CEP192: variants seen among roughly 807,000 people sequenced by gnomAD.
CEP192 encodes centrosomal protein 192.
CEP192 carries 151 observed loss-of-function variants against 271.8 expected under a neutral mutation model. That is an observed-to-expected ratio of 0.56 (90% CI 0.49 to 0.64). The LOEUF (loss-of-function observed/expected upper bound fraction) is 0.64, where lower values mean the gene tolerates loss of function less well. CEP192 is among the 30% of genes least tolerant of loss of function. The pLI, the probability that CEP192 is intolerant of heterozygous loss-of-function variation, is 0.00. For missense variants in CEP192, 2,910 were observed against 3,020.5 expected (o/e 0.96, Z 0.86); for synonymous variants, 995 against 1,076.5 (o/e 0.92, Z 1.48).
At chr18:13,077,755 G>A (rs1164167084) in intron 30 of CEP192, among the ~76,000 whole-genome samples, 1 of 152,016 alleles carries the variant, frequency 6.6e-6, no homozygotes, top group Non-Finnish European at 1.5e-5. Context: ...CACACTAAGA[G>A]GATTATAAAT....
chr18:13,077,654 T>C (rs2038362547), intron 30 of CEP192, among the ~76,000 whole-genome samples: 1 of 152,230 alleles, frequency 6.6e-6, no homozygotes, highest in African/African-American at 2.4e-5. Flanking sequence ...GCTTCCTCCG[T>C]TGACAATGTG....
Position 13,029,762 on chromosome 18 carries a change from T to G in CEP192, c.1150T>G (p.Phe384Val), listed in dbSNP as rs1275858266. Reference sequence around the variant, plus strand: ...TGATGCAAATGCCAATAGAGGTGGTTTTGATCTGACTGACCCTGTAAAACA... The same window carrying G: ...TGATGCAAATGCCAATAGAGGTGGTGTTGATCTGACTGACCCTGTAAAACA... ...FHDANANRGG[F>V]DLTDPVKQGA... is the part of the protein sequence containing the mutation. The change falls in exon 10 of 45, where the codon TTT (phenylalanine) becomes GTT (valine). Residue 384 changes from phenylalanine (F) to valine (V), a missense_variant. Phe to Val is a conservative substitution (Grantham distance 50). Transcript: ENST00000506447. 1 of 1,551,654 alleles carries G rather than the reference T, an allele frequency of 6.4e-7. No homozygotes were observed. Among genetic ancestry groups the G allele is most frequent in the Non-Finnish European group, 8.7e-7 (1 of 1,146,946 alleles).
chr18:13,087,244 A>G lies in CEP192; in HGVS notation c.5844A>G (p.Pro1948=). ...ATCCTAAAGTATTGAGGATTTTTCC[A>G]GATAAATTTGTACTCAAGGAAAGAA... The part of the protein sequence containing the change: ...LLDPKVLRIF[P]DKFVLKERTQ... Residue 1948 remains proline, a synonymous_variant, in exon 31 of 45, where the codon CCA becomes CCG. Coordinates refer to ENST00000506447, the MANE Select transcript of CEP192 (RefSeq NM_032142.4). 6.2e-7 allele frequency: 1 copy of G among 1,609,656 alleles called. No individual in the cohort carries two copies.
At chr18:13,070,587 G>T (rs574375593) in intron 27 of CEP192, among the ~76,000 whole-genome samples, 1 of 152,194 alleles carries the variant, frequency 6.6e-6, no homozygotes, top group African/African-American at 2.4e-5. Flanking sequence ...GAGCTTGCTT[G>T]CGTAACCCTA....
In CEP192 at chr18:13,076,334, CTT is replaced by C. The variant is rs1191070786; in HGVS notation, c.5616+3150_5616+3151del. Among the ~76,000 whole-genome samples the C allele has an allele frequency of 2.0e-5, 3 of 152,272 alleles. No homozygotes were observed. The East Asian group carries it at 5.8e-4, about 29-fold the overall frequency. ...CTGCCCCCCAGGTTCAAGCAGTTCT[CTT>C]GCCTCAGCCTCCCGAGTAGCTGGGA... On this transcript the variant is annotated intron_variant, in intron 30 of 44. Transcript: ENST00000506447.
intron 34 of CEP192, among the ~76,000 whole-genome samples, 197 bp from the exon 35 acceptor site, chr18:13,095,306 C>A (rs1038950499): frequency 3.9e-5 from 6 of 152,206 alleles, no homozygotes; most frequent in Non-Finnish European, 8.8e-5. Flanking sequence ...CCAGCCTGTA[C>A]ACATTGTAAA....
chr18:13,050,009 T>G, intron 17 of CEP192, 118 bp downstream of exon 17: 1 of 801,186 alleles, frequency 1.2e-6, no homozygotes, highest in Non-Finnish European at 1.9e-6. Flanking sequence ...GTAACTCTTG[T>G]AAGCTGTGAA....
intron 5 of CEP192, among the ~76,000 whole-genome samples, chr18:13,015,013 C>G (rs944572299): frequency 1.2e-4 from 18 of 152,090 alleles, no homozygotes; most frequent in African/African-American, 4.1e-4. Context: ...TTCTCGTAAG[C>G]CTTGTGTTGC....
At chr18:13,026,921 T>C (rs1316202156) in intron 9 of CEP192, among the ~76,000 whole-genome samples, 1 of 152,202 alleles carries the variant, frequency 6.6e-6, no homozygotes, top group Non-Finnish European at 1.5e-5. Flanking sequence ...CAAACTGTTT[T>C]TTTTGCCTTT....
intron 40 of CEP192, 44 bp from the exon 41 acceptor site, chr18:13,113,542 T>C (rs768318177): frequency 6.8e-5 from 109 of 1,591,408 alleles, no homozygotes; most frequent in Non-Finnish European, 9.4e-5. Flanking sequence ...AACACTGTGT[T>C]TAATGATCAG....
intron 5 of CEP192, 46 bp downstream of exon 5, chr18:13,013,071 C>T (rs755282491): frequency 1.1e-6 from 1 of 950,042 alleles, no homozygotes; most frequent in South Asian, 1.6e-5. Flanking sequence ...TACTATAGGG[C>T]AGTAAAATTT....
intron 3 of CEP192, among the ~76,000 whole-genome samples, chr18:13,007,530 C>T (rs1002639456): frequency 2.6e-5 from 4 of 152,094 alleles, no homozygotes; most frequent in African/African-American, 9.7e-5. Flanking sequence ...CCATCTTGCT[C>T]CCCCACCTCT....
chr18:13,001,567 G>A lies in CEP192; in HGVS notation c.275G>A (p.Ser92Asn). The change falls in exon 3 of 45, where the codon AGC becomes AAC. Residue 92 changes from serine to asparagine, a missense_variant. Physicochemically the swap from Ser to Asn is conservative, Grantham distance 46. Coordinates refer to ENST00000506447, the MANE Select transcript of CEP192 (RefSeq NM_032142.4). ...DAEPRERLQL[S>N]FQDDDSISRK... Reference sequence around the variant, plus strand: ...GAACCAAGAGAGAGGTTACAGCTTAGCTTCCAGGATGATGAGTAAGTTCAT... The same window carrying A: ...GAACCAAGAGAGAGGTTACAGCTTAACTTCCAGGATGATGAGTAAGTTCAT... 4 of 1,548,282 alleles carry A rather than the reference G, an allele frequency of 2.6e-6. No individual in the cohort carries two copies. Among genetic ancestry groups the A allele is most frequent in the East Asian group, 2.4e-5 (1 of 40,850 alleles).
chr18:13,032,435 G>A (rs951170633), intron 11 of CEP192, among the ~76,000 whole-genome samples: 1 of 152,068 alleles, frequency 6.6e-6, no homozygotes, highest in Admixed American at 6.6e-5. Context: ...GCTGAGTTGC[G>A]GTTAGGACTT....
chr18:13,097,398 G>C (rs1001270565), intron 36 of CEP192, among the ~76,000 whole-genome samples: 1 of 152,116 alleles, frequency 6.6e-6, no homozygotes, highest in African/African-American at 2.4e-5. Context: ...GAAAATATAA[G>C]CAGCCGGGTC....
chr18:13,037,447 C>T, intron 12 of CEP192, 146 bp downstream of exon 12: 1 of 485,666 alleles, frequency 2.1e-6, no homozygotes, highest in Non-Finnish European at 3.6e-6. Flanking sequence ...CTGCTTTTTC[C>T]CTCATACTCT....
intron 44 of CEP192, among the ~76,000 whole-genome samples, chr18:13,122,565 A>G (rs1361549195): frequency 6.8e-6 from 1 of 146,220 alleles, no homozygotes; most frequent in Non-Finnish European, 1.5e-5. Flanking sequence ...TGGGCGACAG[A>G]GCGAGAATCC....
chr18:13,060,183 C>G (rs533002776), intron 21 of CEP192, among the ~76,000 whole-genome samples: 17 of 152,304 alleles, frequency 1.1e-4, no homozygotes, highest in Non-Finnish European at 2.5e-4. Context: ...TTCTGCACGC[C>G]TAGACCTTAT....
intron 44 of CEP192, 107 bp from the exon 45 acceptor site, chr18:13,124,525 C>A: frequency 9.6e-7 from 1 of 1,042,916 alleles, no homozygotes; most frequent in Non-Finnish European, 1.3e-6. Context: ...CTGAATGTGG[C>A]TTGACCGAGC....
Sources: gnomAD v4.1 joint callset for allele counts (sites outside exome capture counted in the v4.1 genomes callset) on GRCh38, gnomAD v4.1.1 for gene constraint, MANE v1.5 for transcripts, NCBI Gene and HGNC (gene_info 2026-07-23, HGNC 2026-07-21) for gene names.